GMPR2: variants seen among roughly 807,000 people sequenced by gnomAD.
GMPR2 encodes guanosine monophosphate reductase 2.
In GMPR2, 32 loss-of-function variants were observed where a neutral mutation model predicts 38.5. The ratio of observed to expected loss-of-function variants is 0.83; its 90% confidence interval spans 0.63 to 1.12. The LOEUF (loss-of-function observed/expected upper bound fraction) is 1.12, where lower values mean the gene tolerates loss of function less well. GMPR2 is among the 50% of genes most tolerant of loss of function. The pLI is 0.00. For synonymous variants in GMPR2, 154 were observed against 151.0 expected (o/e 1.02, Z -0.15); for missense variants, 396 against 432.1 (o/e 0.92, Z 0.74).
At chr14:24,232,658 T>C (rs191362314), upstream of GMPR2, 5 of 272,262 alleles carry the variant, frequency 1.8e-5, no homozygotes, top group Admixed American at 2.0e-4. Context: ...GCAACCTCAG[T>C]GCGTGAACTC....
At chr14:24,233,879 T>C in intron 3 of GMPR2, 1 of 541,308 alleles carries the variant, frequency 1.8e-6, no homozygotes, top group Non-Finnish European at 3.3e-6. Context: ...CCTTGCCAAC[T>C]TTTCCCACCA....
intron 7 of GMPR2, 24 bp downstream of exon 7, chr14:24,237,375 G>C: frequency 6.6e-7 from 1 of 1,520,298 alleles, no homozygotes. Context: ...GCAGGGTAGG[G>C]TATGAGCGGG....
chr14:24,234,532 C>G (rs1176314503), intron 3 of GMPR2, among the ~76,000 whole-genome samples: 1 of 152,226 alleles, frequency 6.6e-6, no homozygotes, highest in African/African-American at 2.4e-5. Context: ...GAATTGGTGA[C>G]TCTGACTGCA....
At chr14:24,234,166 C>T (rs151173245) in intron 3 of GMPR2, 1 of 1,288,662 alleles carries the variant, frequency 7.8e-7, no homozygotes, top group Admixed American at 2.3e-5. Context: ...TTCTTATATA[C>T]AAGTTGTTCA....
intron 3 of GMPR2, among the ~76,000 whole-genome samples, chr14:24,234,537 A>C (rs1248110084): frequency 6.6e-6 from 1 of 152,218 alleles, no homozygotes; most frequent in Non-Finnish European, 1.5e-5. Context: ...GGTGACTCTG[A>C]CTGCAGAGTT....
rs554995336 is a variant in GMPR2 at position 24,233,634 on chromosome 14, C to T, written c.207+36C>T. On this transcript the variant is annotated intron_variant, in intron 3 of 9. Transcript: ENST00000399440. Reference sequence around the variant, plus strand: ...CCTCATGCCCCATCCCTATTGGTGTCCAGTTAGCCCAGCTGACTGCAGAGG... The same window carrying T: ...CCTCATGCCCCATCCCTATTGGTGTTCAGTTAGCCCAGCTGACTGCAGAGG... 6 of 1,612,664 alleles carry T rather than the reference C, an allele frequency of 3.7e-6. No homozygotes were observed. The South Asian group carries it at 6.6e-5, about 18-fold the overall frequency.
Position 24,238,726 on chromosome 14 carries a change from C to G in GMPR2, c.995C>G (p.Thr332Ser), listed in dbSNP as rs1409718582. 1 of 1,613,988 alleles carries G rather than the reference C, an allele frequency of 6.2e-7. No individual in the cohort carries two copies. The highest frequency in any genetic ancestry group is 1.7e-5 in the Admixed American group (1 of 60,010). Residue 332 changes from threonine (T) to serine (S), a missense_variant, in exon 10 of 10, where the codon ACC (threonine) becomes AGC (serine). Physicochemically the swap from Thr to Ser is moderately conservative, Grantham distance 58 (BLOSUM62 1). Coordinates refer to ENST00000399440, the MANE Select transcript of GMPR2 (RefSeq NM_001002002.3). ...CTCAAAGAGTTGAGCAGGAGAACTA[C>G]CTTCATCCGAGTCACCCAGCAGGTG... is the stretch of plus-strand genomic sequence containing the variant. ...AKLKELSRRTTFIRVTQQVNP... is the reference protein window; with the variant it reads ...AKLKELSRRTSFIRVTQQVNP...
At position 24,238,825 on chromosome 14, in the gene GMPR2, G is replaced by A. The variant is rs200635510; in HGVS notation, c.*47G>A. The A allele has an allele frequency of 2.6e-6, 4 of 1,539,142 alleles. No homozygotes were observed. Among genetic ancestry groups the A allele is most frequent in the African/African-American group, 2.7e-5 (2 of 73,782 alleles). On this transcript the variant is annotated 3_prime_UTR_variant, in exon 10 of 10. Transcript: ENST00000399440. ...CAAGGCACCAGTACTCTACCATGGGGCATCCCAAGTGGGGTCCTCACCCAT... is the reference window on the plus strand; with the variant it reads ...CAAGGCACCAGTACTCTACCATGGGACATCCCAAGTGGGGTCCTCACCCAT...
intron 5 of GMPR2, among the ~76,000 whole-genome samples, chr14:24,236,526 G>A (rs1000777262): frequency 6.6e-6 from 1 of 152,174 alleles, no homozygotes; most frequent in African/African-American, 2.4e-5. Flanking sequence ...TTTCTTCGCA[G>A]CATTGAGGGG....
chr14:24,238,943 C>T lies in GMPR2; in HGVS notation c.*165C>T, dbSNP rs1298891208. ...AACTCTGTACTTCTCTATCTGCACA[C>T]ACAAAATGCCCAAGGCACTCACTGG... is the stretch of plus-strand genomic sequence containing the variant. On this transcript the variant is annotated 3_prime_UTR_variant, in exon 10 of 10. Coordinates refer to ENST00000399440, the MANE Select transcript of GMPR2 (RefSeq NM_001002002.3). The T allele has an allele frequency of 8.6e-6, 6 of 700,526 alleles. No individual in the cohort carries two copies. Among genetic ancestry groups the T allele is most frequent in the Non-Finnish European group, 1.5e-5 (6 of 387,638 alleles). 43.4% of individuals were successfully genotyped at this position (700,526 alleles called of 1,614,324 possible).
In GMPR2 at chr14:24,235,826, A is replaced by G; in HGVS notation, c.291+6A>G. 2 of 1,609,020 alleles carry G rather than the reference A, an allele frequency of 1.2e-6. No individual in the cohort carries two copies. Among genetic ancestry groups the G allele is most frequent in the South Asian group, 1.1e-5 (1 of 90,998 alleles). On this transcript the variant is annotated splice_donor_region_variant and intron_variant, in intron 4 of 9. Transcript: ENST00000399440. Reference sequence around the variant, plus strand: ...AGAATCCTGACTGTCTTGAGGTAACACTGGGCATACCCTGCTCCCTTCCTT... The same window carrying G: ...AGAATCCTGACTGTCTTGAGGTAACGCTGGGCATACCCTGCTCCCTTCCTT...
At chr14:24,236,881 G>C in intron 5 of GMPR2, 190 bp from the exon 6 acceptor site, 2 of 553,978 alleles carry the variant, frequency 3.6e-6, no homozygotes, top group South Asian at 4.3e-5. Context: ...GCTTGGTGTT[G>C]GGTGGATGGG....
intron 3 of GMPR2, 155 bp downstream of exon 3, chr14:24,233,753 T>C (rs1219110135): frequency 5.0e-6 from 4 of 801,538 alleles, no homozygotes; most frequent in South Asian, 4.4e-5. Flanking sequence ...TGAAGCCCTT[T>C]ATCTGATAAG....
chr14:24,238,206 G>T, intron 8 of GMPR2, 40 bp from the exon 9 acceptor site: 1 of 1,570,558 alleles, frequency 6.4e-7, no homozygotes, highest in South Asian at 1.2e-5. Flanking sequence ...TGAGCACCTT[G>T]GCCAGATTAA....
intron 3 of GMPR2, 28 bp from the exon 4 acceptor site, chr14:24,235,708 CT>C (rs2040306675): frequency 2.7e-6 from 4 of 1,488,032 alleles, no homozygotes; most frequent in Non-Finnish European, 3.8e-6. Context: ...AGTTTTCTCC[CT>C]TTTGATGCTT....
chr14:24,235,658 A>G (rs2040301870), intron 3 of GMPR2, 79 bp from the exon 4 acceptor site: 5 of 946,650 alleles, frequency 5.3e-6, no homozygotes, highest in African/African-American at 1.6e-5. Flanking sequence ...GTCCTCCCTC[A>G]GATAGAATAG....
chr14:24,238,104 T>G (rs1043270429), intron 8 of GMPR2, 142 bp from the exon 9 acceptor site: 1 of 709,190 alleles, frequency 1.4e-6, no homozygotes, highest in East Asian at 2.7e-5. Flanking sequence ...CTGCGTGGAT[T>G]GTGGGTCAGC....
At chr14:24,233,808 C>T (rs1300916087) in intron 3 of GMPR2, 2 of 639,440 alleles carry the variant, frequency 3.1e-6, no homozygotes, top group East Asian at 5.6e-5. Context: ...CTAAGTTCTG[C>T]TCCGATATTT....
chr14:24,234,501 T>G (rs1269389336), intron 3 of GMPR2, among the ~76,000 whole-genome samples: 2 of 152,270 alleles, frequency 1.3e-5, no homozygotes, highest in African/African-American at 4.8e-5. Flanking sequence ...ACTGTCCATC[T>G]GCCCTGACCA....
Sources: gnomAD v4.1 joint callset for allele counts (sites outside exome capture counted in the v4.1 genomes callset) on GRCh38, gnomAD v4.1.1 for gene constraint, MANE v1.5 for transcripts, NCBI Gene and HGNC (gene_info 2026-07-23, HGNC 2026-07-21) for gene names.